SRGAP2C: variants seen among roughly 807,000 people sequenced by gnomAD.
The protein encoded by SRGAP2C is SLIT-ROBO Rho GTPase-activating protein 2C.
In SRGAP2C, 15 loss-of-function variants were observed where a neutral mutation model predicts 25.1. The observed-to-expected ratio is 0.60, with a 90% CI of 0.40 to 0.92. The LOEUF is 0.92. Among genes scored for constraint, SRGAP2C ranks in the 40% least tolerant of loss-of-function variants. The probability of loss-of-function intolerance (pLI) is 0.00; values close to 1 mark genes in which losing one functional copy is unlikely to be tolerated. For synonymous variants in SRGAP2C, 44 were observed against 96.6 expected (o/e 0.46, Z 3.19); for missense variants, 144 against 264.4 (o/e 0.54, Z 3.16).
intron 4 of SRGAP2C, among the ~76,000 whole-genome samples, chr1:121,341,093 T>A (rs1270161739): frequency 1.3e-5 from 1 of 77,388 alleles, no homozygotes; most frequent in Non-Finnish European, 2.5e-5. Context: ...TATAGGAGCC[T>A]GCTACAATAA....
At chr1:121,207,755 G>T (rs1655151873) in intron 2 of SRGAP2C, among the ~76,000 whole-genome samples, 1 of 151,854 alleles carries the variant, frequency 6.6e-6, no homozygotes, top group Admixed American at 6.6e-5. Context: ...CAAAGGCTTT[G>T]AATTTTTAGT....
intron 3 of SRGAP2C, among the ~76,000 whole-genome samples, chr1:121,319,726 C>A (rs1269615508): frequency 7.7e-6 from 1 of 129,624 alleles, no homozygotes. Flanking sequence ...CTTTCGACTC[C>A]AGAGTCATTC....
intron 2 of SRGAP2C, among the ~76,000 whole-genome samples, chr1:121,208,712 C>G (rs1655177196): frequency 6.6e-6 from 1 of 151,396 alleles, no homozygotes; most frequent in African/African-American, 2.4e-5. Flanking sequence ...GGGACTGTTT[C>G]TGTTTATCGT....
At chr1:121,208,718 A>G (rs1655177364) in intron 2 of SRGAP2C, among the ~76,000 whole-genome samples, 1 of 151,712 alleles carries the variant, frequency 6.6e-6, no homozygotes, top group Non-Finnish European at 1.5e-5. Context: ...GTTTCTGTTT[A>G]TCGTTGTTTT....
intron 3 of SRGAP2C, among the ~76,000 whole-genome samples, chr1:121,297,729 A>T (rs1657626356): frequency 1.4e-5 from 2 of 140,040 alleles, no homozygotes. Context: ...GATTTCTCCC[A>T]CTTACTTGCT....
chr1:121,229,249 TG>T (rs1655758157), intron 2 of SRGAP2C, among the ~76,000 whole-genome samples: 1 of 105,710 alleles, frequency 9.5e-6, no homozygotes, highest in Non-Finnish European at 1.9e-5. Context: ...GTAAATAAGA[TG>T]TTTTTTACAC....
Position 121,185,014 on chromosome 1 carries a change from C to T in SRGAP2C, c.-653C>T. On this transcript the variant is annotated 5_prime_UTR_variant, in exon 1 of 10. Coordinates refer to ENST00000367123, the MANE Select transcript of SRGAP2C (RefSeq NM_001329984.2). The stretch of plus-strand genomic sequence containing the variant: ...TTGGCGGAGGCGGCGGAGGCTCCTC[C>T]AGGGACTGGGGCACCGATCTGCGTA... 2 of 517,130 alleles carry T rather than the reference C, an allele frequency of 3.9e-6. No homozygotes were observed. The highest frequency in any genetic ancestry group is 3.6e-5 in the Admixed American group (1 of 27,454). 32.0% of individuals were successfully genotyped at this position (517,130 alleles called of 1,614,324 possible). A position where few individuals can be genotyped will look rare whatever the true frequency, so the allele number is the denominator to read the frequency against.
rs149010820 is a variant in SRGAP2C at position 121,359,629 on chromosome 1, G to A, written c.424-5664G>A. 1.1e-3 allele frequency among the ~76,000 whole-genome samples: 173 copies of A among 152,246 alleles called. 1 individual carries two copies. The East Asian group carries it at 0.02, about 18-fold the overall frequency. The stretch of plus-strand genomic sequence containing the variant: ...ACAAAAATTACAAAAATTAACCAGC[G>A]TGTTGGTACACATCTGTCGTCCCAG... On this transcript the variant is annotated intron_variant, in intron 4 of 9. Transcript: ENST00000367123.
rs587684500 is a variant in SRGAP2C at position 121,392,161 on chromosome 1, A to G, written c.*4306A>G. On this transcript the variant is annotated 3_prime_UTR_variant, in exon 10 of 10. Coordinates refer to ENST00000367123, the MANE Select transcript of SRGAP2C (RefSeq NM_001329984.2). ...CTCTGAGAAACAGAAAGAATAAAAA[A>G]TAAACAATGAGCAGAGACTAATGAA... 1 of 152,336 alleles carries G rather than the reference A, an allele frequency of 6.6e-6. No homozygotes were observed. Among genetic ancestry groups the G allele is most frequent in the South Asian group, 2.1e-4 (1 of 4,828 alleles). 9.4% of individuals were successfully genotyped at this position (152,336 alleles called of 1,614,324 possible).
chr1:121,366,263 C>T (rs1331214661), intron 5 of SRGAP2C, among the ~76,000 whole-genome samples: 13 of 149,442 alleles, frequency 8.7e-5, no homozygotes, highest in South Asian at 2.1e-4. Context: ...TTATTTGCTG[C>T]GTTTTTTCTT....
intron 3 of SRGAP2C, among the ~76,000 whole-genome samples, chr1:121,323,931 G>C (rs1450262386): frequency 6.6e-6 from 1 of 152,024 alleles, no homozygotes; most frequent in African/African-American, 2.4e-5. Flanking sequence ...CTCTAACTTT[G>C]GTTTCTAACC....
intron 2 of SRGAP2C, among the ~76,000 whole-genome samples, chr1:121,201,545 C>T (rs1383848056): frequency 3.3e-5 from 5 of 152,250 alleles, no homozygotes; most frequent in Non-Finnish European, 7.3e-5. Flanking sequence ...AATCTCCTTA[C>T]TCTTATTAGA....
intron 2 of SRGAP2C, among the ~76,000 whole-genome samples, chr1:121,248,640 G>T: frequency 6.8e-6 from 1 of 147,890 alleles, no homozygotes; most frequent in South Asian, 2.2e-4. Flanking sequence ...TAGAGACGGG[G>T]TTTCACCGTG....
At chr1:121,221,891 G>T (rs1655534072) in intron 2 of SRGAP2C, among the ~76,000 whole-genome samples, 2 of 151,792 alleles carry the variant, frequency 1.3e-5, no homozygotes, top group Non-Finnish European at 2.9e-5. Context: ...CAGTTTGGCT[G>T]TAAACTCATG....
intron 4 of SRGAP2C, among the ~76,000 whole-genome samples, chr1:121,347,142 A>G (rs1184554500): frequency 4.4e-5 from 5 of 113,644 alleles, no homozygotes; most frequent in African/African-American, 1.7e-4. Context: ...TATTGGTTAA[A>G]TTCCCTACCG....
Position 121,273,634 on chromosome 1 carries a change from T to C in SRGAP2C, c.68-11169T>C, listed in dbSNP as rs587686481. 1.7e-3 allele frequency among the ~76,000 whole-genome samples: 261 copies of C among 151,536 alleles called. 11 individuals are homozygous for C. Among genetic ancestry groups the C allele is most frequent in the Non-Finnish European group, 1.7e-3 (116 of 67,718 alleles). On this transcript the variant is annotated intron_variant, in intron 2 of 9. Coordinates refer to ENST00000367123, the MANE Select transcript of SRGAP2C (RefSeq NM_001329984.2). ...AGTTGACTATAGCTTCATGAGAGGA[T>C]GATTGCTTGGTCTTGTGGGACATCT...
At chr1:121,368,617 G>T (rs1659406978) in intron 5 of SRGAP2C, among the ~76,000 whole-genome samples, 1 of 151,366 alleles carries the variant, frequency 6.6e-6, no homozygotes, top group African/African-American at 2.4e-5. Flanking sequence ...CACCTTGCAT[G>T]GGAGAGTGGT....
At chr1:121,355,816 T>C (rs2101639371) in intron 4 of SRGAP2C, among the ~76,000 whole-genome samples, 1 of 151,506 alleles carries the variant, frequency 6.6e-6, no homozygotes. Flanking sequence ...CCCCCAACAA[T>C]ATTGATTTTT....
At chr1:121,211,458 C>CACACAT (rs1553323708) in intron 2 of SRGAP2C, among the ~76,000 whole-genome samples, 27,631 of 135,606 alleles carry the variant, frequency 0.2, 2,121 homozygotes, top group Non-Finnish European at 0.26. Flanking sequence ...CACACACACA[C>CACACAT]ACATCTTACC....
Sources: gnomAD v4.1 joint callset for allele counts (sites outside exome capture counted in the v4.1 genomes callset) on GRCh38, gnomAD v4.1.1 for gene constraint, MANE v1.5 for transcripts, NCBI Gene and HGNC (gene_info 2026-07-23, HGNC 2026-07-21) for gene names.